The following FBLN5 variants were observed in gnomAD, a reference collection of about 807,000 sequenced individuals.
FBLN5 encodes the protein fibulin 5.
A neutral mutation model predicts 61.6 loss-of-function variants in FBLN5; 24 were observed. That is an observed-to-expected ratio of 0.39 (90% confidence interval 0.28 to 0.55). FBLN5 has a LOEUF of 0.55. Among genes scored for constraint, FBLN5 ranks in the 20% least tolerant of loss-of-function variants. The pLI, the probability that FBLN5 is intolerant of heterozygous loss-of-function variation, is 0.65. For missense variants in FBLN5, 470 were observed against 594.1 expected (o/e 0.79, Z 2.17); for synonymous variants, 213 against 219.8 (o/e 0.97, Z 0.27).
chr14:91,940,513 G>T, intron 3 of FBLN5, 52 bp downstream of exon 3: 9 of 1,408,456 alleles, frequency 6.4e-6, no homozygotes, highest in Non-Finnish European at 9.0e-6. Flanking sequence ...AAATAGCACT[G>T]CAACTGGGCT....
chr14:91,920,394 T>C (rs1171730259), intron 4 of FBLN5, among the ~76,000 whole-genome samples: 2 of 152,186 alleles, frequency 1.3e-5, no homozygotes, highest in Admixed American at 1.3e-4. Flanking sequence ...AATGAATGAA[T>C]TATCTAAACG....
intron 4 of FBLN5, among the ~76,000 whole-genome samples, chr14:91,895,514 C>G (rs148824855): frequency 6.6e-6 from 1 of 152,036 alleles, no homozygotes; most frequent in Non-Finnish European, 1.5e-5. Flanking sequence ...AGGAAATGTC[C>G]CCAGCTGGGC....
At chr14:91,935,579 T>C (rs2056000910) in intron 4 of FBLN5, among the ~76,000 whole-genome samples, 1 of 152,212 alleles carries the variant, frequency 6.6e-6, no homozygotes, top group African/African-American at 2.4e-5. Flanking sequence ...TTCCTATAGT[T>C]AGGAGATTGT....
chr14:91,893,060 G>A (rs1208073179), intron 5 of FBLN5, among the ~76,000 whole-genome samples: 6 of 152,070 alleles, frequency 3.9e-5, no homozygotes, highest in African/African-American at 1.4e-4. Flanking sequence ...TAACAGGGCT[G>A]GTATAGCCCG....
chr14:91,877,986 C>G (rs774659124), intron 9 of FBLN5: 3 of 499,134 alleles, frequency 6.0e-6, no homozygotes, highest in African/African-American at 1.9e-5. Flanking sequence ...ACATTTGCCA[C>G]GTAGGCCAAA....
At position 91,919,346 on chromosome 14, in the gene FBLN5, AAAAAG is replaced by A. The variant is rs1224425076; in HGVS notation, c.379+17596_379+17600del. 0.011 allele frequency among the ~76,000 whole-genome samples: 935 copies of A among 85,266 alleles called. 43 individuals are homozygous for A. In the East Asian group the frequency reaches 0.14, roughly 13 times the overall value. 55.9% of individuals were successfully genotyped at this position (85,266 alleles called of 152,430 possible). A position where few individuals can be genotyped will look rare whatever the true frequency, so the allele number is the denominator to read the frequency against. ...ACTCTGTCTCAAAAAAAAGAAAAAA[AAAAAG>A]AAAAGAAAAGAAAAGAAAAGAAAAG... On this transcript the variant is annotated intron_variant, in intron 4 of 10. Transcript: ENST00000342058.
Position 91,894,938 on chromosome 14 carries a change from G to C in FBLN5, c.502+12C>G. ...TCCAAGAGTCCCTGTGACCCCCCCA[G>C]AGAGCTGTTACCTAAGCACTGGCCT... On this transcript the variant is annotated intron_variant, in intron 5 of 10. Transcript: ENST00000342058. 6.5e-7 allele frequency: 1 copy of C among 1,540,640 alleles called. No homozygotes were observed. The highest frequency in any genetic ancestry group is 2.6e-5 in the East Asian group (1 of 38,774).
At chr14:91,930,932 G>A (rs1009509913) in intron 4 of FBLN5, among the ~76,000 whole-genome samples, 2 of 152,180 alleles carry the variant, frequency 1.3e-5, no homozygotes, top group Non-Finnish European at 2.9e-5. Flanking sequence ...GACGTTTGAT[G>A]CATTTTCAGA....
At chr14:91,942,139 C>T in intron 2 of FBLN5, 1 of 456,026 alleles carries the variant, frequency 2.2e-6, no homozygotes, top group Non-Finnish European at 4.4e-6. Flanking sequence ...GGGATCTGCC[C>T]ACATTTCAGG....
chr14:91,905,620 G>A (rs902862715), intron 4 of FBLN5, among the ~76,000 whole-genome samples: 21 of 145,622 alleles, frequency 1.4e-4, no homozygotes, highest in Admixed American at 8.4e-4. Flanking sequence ...TAACTCTGTC[G>A]CCAGGCTGGA....
intron 4 of FBLN5, among the ~76,000 whole-genome samples, chr14:91,908,978 C>T (rs913551243): frequency 2.6e-5 from 4 of 151,804 alleles, no homozygotes; most frequent in African/African-American, 4.8e-5. Flanking sequence ...AGTGAAGTGG[C>T]GCAATCTCGG....
At chr14:91,918,875 C>T (rs944384600) in intron 4 of FBLN5, among the ~76,000 whole-genome samples, 1 of 152,098 alleles carries the variant, frequency 6.6e-6, no homozygotes, top group African/African-American at 2.4e-5. Context: ...AAGCACATTC[C>T]TAAGTCTAAG....
intron 10 of FBLN5, among the ~76,000 whole-genome samples, chr14:91,871,094 A>G (rs566869147): frequency 6.6e-6 from 1 of 152,190 alleles, no homozygotes; most frequent in East Asian, 1.9e-4. Flanking sequence ...TATATACACC[A>G]AACTCCTACG....
chr14:91,876,320 G>A (rs1236854681), intron 10 of FBLN5, among the ~76,000 whole-genome samples: 5 of 152,168 alleles, frequency 3.3e-5, no homozygotes, highest in African/African-American at 1.2e-4. Flanking sequence ...AAACGCCCAT[G>A]GACCTTTTCA....
chr14:91,881,536 G>A (rs1595297337), intron 8 of FBLN5, 118 bp from the exon 9 acceptor site: 3 of 1,051,450 alleles, frequency 2.9e-6, no homozygotes, highest in Non-Finnish European at 4.4e-6. Context: ...GGCAGCAACA[G>A]GCCATATGTG....
At chr14:91,923,004 AT>A (rs1305997797) in intron 4 of FBLN5, among the ~76,000 whole-genome samples, 1 of 152,182 alleles carries the variant, frequency 6.6e-6, no homozygotes, top group Non-Finnish European at 1.5e-5. Context: ...CTTAGACTAC[AT>A]GCAAAATCAA....
chr14:91,914,678 TAGAA>T (rs747595635), intron 4 of FBLN5, among the ~76,000 whole-genome samples: 15 of 149,380 alleles, frequency 1.0e-4, no homozygotes, highest in Non-Finnish European at 1.9e-4. Context: ...ATCCAAAACA[TAGAA>T]AGAAAAGAAT....
chr14:91,894,898 T>C (rs1595308371), intron 5 of FBLN5, 52 bp downstream of exon 5: 1 of 1,336,026 alleles, frequency 7.5e-7, no homozygotes, highest in East Asian at 4.9e-5. Context: ...AAAATGCCCC[T>C]GGCAACCGTT....
chr14:91,898,875 C>T (rs1295184059), intron 4 of FBLN5, among the ~76,000 whole-genome samples: 1 of 144,180 alleles, frequency 6.9e-6, no homozygotes, highest in Non-Finnish European at 1.5e-5. Flanking sequence ...AATCTAAGCT[C>T]ACTGCAAGCT....
Sources: gnomAD v4.1 joint callset for allele counts (sites outside exome capture counted in the v4.1 genomes callset) on GRCh38, gnomAD v4.1.1 for gene constraint, MANE v1.5 for transcripts, NCBI Gene and HGNC (gene_info 2026-07-23, HGNC 2026-07-21) for gene names.